Variants in DPYD observed in about 807,000 individuals in gnomAD.
DPYD encodes dihydropyrimidine dehydrogenase.
In DPYD, 109 loss-of-function variants were observed where a neutral mutation model predicts 116.2. That is an observed-to-expected ratio of 0.94 (90% CI 0.80 to 1.10). DPYD has a LOEUF of 1.10. Among genes scored for constraint, DPYD ranks in the 50% least tolerant of loss-of-function variants. DPYD has a pLI of 0.00. For missense variants in DPYD, 1,302 were observed against 1,254.5 expected, an observed-to-expected ratio of 1.04 and a Z score of -0.57; for synonymous variants, 440 against 432.0, an observed-to-expected ratio of 1.02 and a Z score of -0.23.
intron 13 of DPYD, among the ~76,000 whole-genome samples, chr1:97,494,520 C>G (rs1050027564): frequency 3.3e-5 from 5 of 152,038 alleles, no homozygotes; most frequent in African/African-American, 1.2e-4. Flanking sequence ...TTCTAGGACT[C>G]CTACAGTTTA....
chr1:97,403,510 T>C (rs1443782713), intron 14 of DPYD, among the ~76,000 whole-genome samples: 1 of 152,076 alleles, frequency 6.6e-6, no homozygotes, highest in Admixed American at 6.6e-5. Flanking sequence ...TATAAGCTGA[T>C]TAAGATTGTC....
At chr1:97,189,829 G>C (rs1281636279) in intron 20 of DPYD, among the ~76,000 whole-genome samples, 1 of 152,046 alleles carries the variant, frequency 6.6e-6, no homozygotes, top group African/African-American at 2.4e-5. Context: ...CAAGGTGTGG[G>C]GTAGCAACCT....
At chr1:97,084,481 C>T (rs1459606127) in intron 21 of DPYD, among the ~76,000 whole-genome samples, 1 of 151,844 alleles carries the variant, frequency 6.6e-6, no homozygotes, top group Non-Finnish European at 1.5e-5. Context: ...TGCCCTCTCT[C>T]CTCCATATCC....
At chr1:97,540,462 G>C (rs993279039) in intron 12 of DPYD, among the ~76,000 whole-genome samples, 1 of 152,136 alleles carries the variant, frequency 6.6e-6, no homozygotes, top group Admixed American at 6.5e-5. Context: ...GTCAGATGAA[G>C]AGACACATAG....
intron 16 of DPYD, among the ~76,000 whole-genome samples, chr1:97,361,607 C>T (rs1050296132): frequency 2.6e-5 from 4 of 152,160 alleles, no homozygotes; most frequent in Non-Finnish European, 5.9e-5. Flanking sequence ...TTATCCACCA[C>T]GATCAAGTCA....
At chr1:97,496,392 A>G (rs1465482563) in intron 13 of DPYD, among the ~76,000 whole-genome samples, 1 of 152,010 alleles carries the variant, frequency 6.6e-6, no homozygotes, top group Non-Finnish European at 1.5e-5. Context: ...TCTTGTGACT[A>G]TTTTCTACAC....
chr1:97,155,518 T>C (rs1655381546), intron 20 of DPYD, among the ~76,000 whole-genome samples: 1 of 152,210 alleles, frequency 6.6e-6, no homozygotes, highest in Non-Finnish European at 1.5e-5. Flanking sequence ...GTTGTTTTTA[T>C]TATCCTAATA....
intron 3 of DPYD, among the ~76,000 whole-genome samples, chr1:97,809,062 G>A (rs1668221674): frequency 1.3e-5 from 2 of 152,160 alleles, no homozygotes; most frequent in Admixed American, 1.3e-4. Flanking sequence ...AGGGGATCAG[G>A]ATCACATAGG....
chr1:97,732,136 T>C (rs973829466), intron 4 of DPYD, among the ~76,000 whole-genome samples: 2 of 152,160 alleles, frequency 1.3e-5, no homozygotes, highest in Non-Finnish European at 2.9e-5. Context: ...CTGAACTTCC[T>C]CTATTAAAGC....
chr1:97,742,762 T>C (rs920221677), intron 3 of DPYD, among the ~76,000 whole-genome samples: 7 of 152,126 alleles, frequency 4.6e-5, no homozygotes, highest in African/African-American at 9.7e-5. Context: ...TTTTCTTTTA[T>C]GTCGCAATAC....
chr1:97,708,713 T>C (rs529744443), intron 5 of DPYD, among the ~76,000 whole-genome samples: 2 of 152,156 alleles, frequency 1.3e-5, no homozygotes, highest in South Asian at 4.1e-4. Flanking sequence ...ACTGAATCTA[T>C]AGATCTAATT....
At chr1:97,115,766 A>T (rs996615901) in intron 20 of DPYD, among the ~76,000 whole-genome samples, 1 of 152,202 alleles carries the variant, frequency 6.6e-6, no homozygotes, top group African/African-American at 2.4e-5. Context: ...CGTAATTTAG[A>T]ATGGTAGATA....
At position 97,193,953 on chromosome 1, in the gene DPYD, A is replaced by T. The variant is rs570558584; in HGVS notation, c.2443-705T>A. ...AAGGAGGCTTCCAGGAGCCCAGAAT[A>T]GGTTATGGCCTTCTTTTAATCAGAC... is the stretch of plus-strand genomic sequence containing the variant. On this transcript the variant is annotated intron_variant, in intron 19 of 22. Coordinates refer to ENST00000370192, the MANE Select transcript of DPYD (RefSeq NM_000110.4). 1.4e-4 allele frequency among the ~76,000 whole-genome samples: 22 copies of T among 152,316 alleles called. No homozygotes were observed. In the South Asian group the frequency reaches 4.6e-3, roughly 32 times the overall value.
chr1:97,144,742 T>C (rs533269739), intron 20 of DPYD, among the ~76,000 whole-genome samples: 1 of 152,316 alleles, frequency 6.6e-6, no homozygotes, highest in Admixed American at 6.5e-5. Context: ...TTTGTGCTTT[T>C]GGTTGATCAG....
chr1:97,525,888 G>T (rs528462042), intron 12 of DPYD, among the ~76,000 whole-genome samples: 1 of 66,304 alleles, frequency 1.5e-5, no homozygotes, highest in South Asian at 5.6e-4. Flanking sequence ...GTGTGTGTGC[G>T]CGCGCGCGTG....
intron 3 of DPYD, among the ~76,000 whole-genome samples, chr1:97,754,557 C>T (rs962958831): frequency 2.6e-5 from 4 of 152,106 alleles, no homozygotes; most frequent in African/African-American, 7.2e-5. Flanking sequence ...TTGTGTTCTG[C>T]GGAATCTTAA....
intron 22 of DPYD, among the ~76,000 whole-genome samples, chr1:97,079,850 T>C (rs945383046): frequency 6.6e-6 from 1 of 152,046 alleles, no homozygotes; most frequent in Non-Finnish European, 1.5e-5. Flanking sequence ...CAATTTTCCT[T>C]CCCCCGTCTT....
chr1:97,158,093 G>A (rs1385297185), intron 20 of DPYD, among the ~76,000 whole-genome samples: 1 of 152,066 alleles, frequency 6.6e-6, no homozygotes, highest in Non-Finnish European at 1.5e-5. Context: ...ATAGCAAGTA[G>A]TATTGCACCA....
intron 14 of DPYD, among the ~76,000 whole-genome samples, chr1:97,444,408 C>T (rs1216718376): frequency 6.6e-6 from 1 of 152,138 alleles, no homozygotes; most frequent in Non-Finnish European, 1.5e-5. Context: ...AAAAAAATCT[C>T]TGCTTCACAG....
Sources: gnomAD v4.1 joint callset for allele counts (sites outside exome capture counted in the v4.1 genomes callset) on GRCh38, gnomAD v4.1.1 for gene constraint, MANE v1.5 for transcripts, NCBI Gene and HGNC (gene_info 2026-07-23, HGNC 2026-07-21) for gene names.